Variants in B3GALT1 observed in about 807,000 individuals in gnomAD.
B3GALT1 encodes the protein UDP-Gal:betaGlcNAc beta 1,3-galactosyltransferase, polypeptide 1.
A neutral mutation model predicts 23.2 loss-of-function variants in B3GALT1; 10 were observed. That is an observed-to-expected ratio of 0.43 (90% confidence interval 0.27 to 0.73). The LOEUF (loss-of-function observed/expected upper bound fraction) is 0.73, where lower values mean the gene tolerates loss of function less well. B3GALT1 is among the 30% of genes least tolerant of loss of function. The probability of loss-of-function intolerance (pLI) is 0.21; values close to 1 mark genes in which losing one functional copy is unlikely to be tolerated. For synonymous variants in B3GALT1, 156 were observed against 141.5 expected (o/e 1.10, Z -0.73); for missense variants, 299 against 405.4 (o/e 0.74, Z 2.25).
chr2:167,617,423 C>T (rs1447367240), intron 2 of B3GALT1, among the ~76,000 whole-genome samples: 1 of 151,928 alleles, frequency 6.6e-6, no homozygotes, highest in African/African-American at 2.4e-5. Flanking sequence ...TAAGTCACCC[C>T]CTGGAGCTGG....
intron 1 of B3GALT1, among the ~76,000 whole-genome samples, chr2:167,420,128 A>G (rs191366044): frequency 1.8e-3 from 278 of 152,278 alleles, no homozygotes; most frequent in African/African-American, 6.2e-3. Context: ...GGCAGTCCAG[A>G]GTGCTGTATA....
chr2:167,431,991 C>G (rs530009393), intron 1 of B3GALT1, among the ~76,000 whole-genome samples: 106 of 152,272 alleles, frequency 7.0e-4, no homozygotes, highest in African/African-American at 2.5e-3. Flanking sequence ...AAAGAATTTA[C>G]TCTTAAATCA....
At chr2:167,591,800 GTTA>G (rs1324271918) in intron 2 of B3GALT1, among the ~76,000 whole-genome samples, 1 of 151,960 alleles carries the variant, frequency 6.6e-6, no homozygotes, top group Non-Finnish European at 1.5e-5. Flanking sequence ...TGTTGTTGTT[GTTA>G]TTATAGCAGT....
At chr2:167,815,643 C>T (rs564071196) in intron 3 of B3GALT1, among the ~76,000 whole-genome samples, 3 of 152,188 alleles carry the variant, frequency 2.0e-5, no homozygotes, top group South Asian at 2.1e-4. Flanking sequence ...ACTCATAAGT[C>T]GGTATACAGA....
At chr2:167,774,544 C>A (rs1383451700) in intron 3 of B3GALT1, among the ~76,000 whole-genome samples, 1 of 123,362 alleles carries the variant, frequency 8.1e-6, no homozygotes, top group Admixed American at 1.1e-4. Flanking sequence ...GTCACCCAGG[C>A]TGGAGTGCAG....
At chr2:167,642,217 C>G (rs900392615) in intron 2 of B3GALT1, among the ~76,000 whole-genome samples, 2 of 152,072 alleles carry the variant, frequency 1.3e-5, no homozygotes, top group Non-Finnish European at 2.9e-5. Flanking sequence ...TTCTCAAATT[C>G]TAGAATGAAA....
chr2:167,717,480 C>G (rs888616403), intron 3 of B3GALT1, among the ~76,000 whole-genome samples: 1 of 114,520 alleles, frequency 8.7e-6, no homozygotes, highest in Non-Finnish European at 1.8e-5. Context: ...TGTTGTTATA[C>G]ATAGTTTTTT....
At chr2:167,661,190 G>A (rs1191743082) in intron 3 of B3GALT1, among the ~76,000 whole-genome samples, 4 of 152,052 alleles carry the variant, frequency 2.6e-5, no homozygotes, top group African/African-American at 7.2e-5. Context: ...TGGAGGCAAC[G>A]TTGTCACCCT....
chr2:167,446,517 T>A (rs1406289413), intron 1 of B3GALT1, among the ~76,000 whole-genome samples: 1 of 152,222 alleles, frequency 6.6e-6, no homozygotes, highest in African/African-American at 2.4e-5. Flanking sequence ...GACATAGATT[T>A]GGTCTTTTCA....
chr2:167,322,835 G>A lies in B3GALT1; in HGVS notation c.-511+29501G>A, dbSNP rs928709915. Reference sequence around the variant, plus strand: ...TGATTTTAAACTTATAATTTAAAATGCTTGTTTGTTTCATTCATCACTAAA... The same window carrying A: ...TGATTTTAAACTTATAATTTAAAATACTTGTTTGTTTCATTCATCACTAAA... On this transcript the variant is annotated intron_variant, in intron 1 of 4. Coordinates refer to ENST00000392690, the MANE Select transcript of B3GALT1 (RefSeq NM_020981.4). 2.6e-5 allele frequency among the ~76,000 whole-genome samples: 4 copies of A among 152,096 alleles called. No individual in the cohort carries two copies. The East Asian group carries it at 7.7e-4, about 29-fold the overall frequency.
intron 3 of B3GALT1, among the ~76,000 whole-genome samples, chr2:167,682,823 A>C (rs1686556218): frequency 2.0e-5 from 3 of 152,250 alleles, no homozygotes. Flanking sequence ...ATGGCTCTTC[A>C]TAATTACTTT....
chr2:167,603,839 T>A (rs1383364467), intron 2 of B3GALT1, among the ~76,000 whole-genome samples: 1 of 151,904 alleles, frequency 6.6e-6, no homozygotes, highest in African/African-American at 2.4e-5. Flanking sequence ...AACACATAGC[T>A]AAGGAGTGAG....
intron 3 of B3GALT1, among the ~76,000 whole-genome samples, chr2:167,662,998 G>GTGCACAA (rs983236512): frequency 3.3e-5 from 5 of 151,386 alleles, no homozygotes; most frequent in Admixed American, 3.3e-4. Flanking sequence ...TAGGGTACAT[G>GTGCACAA]TGCACAATGT....
intron 2 of B3GALT1, among the ~76,000 whole-genome samples, chr2:167,548,685 A>AGTGTGTGT (rs71031297): frequency 0.16 from 22,621 of 144,650 alleles, 1,881 homozygotes; most frequent in East Asian, 0.38. Context: ...CGTGTGTGTG[A>AGTGTGTGT]GTGTGTGTGT....
At chr2:167,571,395 G>A (rs1044270312) in intron 2 of B3GALT1, among the ~76,000 whole-genome samples, 5 of 151,882 alleles carry the variant, frequency 3.3e-5, no homozygotes, top group Non-Finnish European at 7.4e-5. Context: ...CTGTTACTGT[G>A]GCAGCCACAT....
chr2:167,358,114 G>T (rs1697443752), intron 1 of B3GALT1, among the ~76,000 whole-genome samples: 1 of 152,200 alleles, frequency 6.6e-6, no homozygotes, highest in Non-Finnish European at 1.5e-5. Context: ...ACCTGTAAAT[G>T]TGTTGATCAC....
At chr2:167,506,071 A>G (rs1233063850) in intron 2 of B3GALT1, among the ~76,000 whole-genome samples, 4 of 152,074 alleles carry the variant, frequency 2.6e-5, no homozygotes, top group Non-Finnish European at 2.9e-5. Context: ...AAAAAAAGAC[A>G]GAGATACTAA....
chr2:167,410,590 G>A (rs764900848), intron 1 of B3GALT1, among the ~76,000 whole-genome samples: 21 of 151,948 alleles, frequency 1.4e-4, no homozygotes, highest in Admixed American at 9.2e-4. Context: ...TCAGGGGCTG[G>A]GGGGCAAGTG....
intron 2 of B3GALT1, among the ~76,000 whole-genome samples, chr2:167,625,672 G>A (rs982912524): frequency 1.3e-5 from 2 of 151,482 alleles, no homozygotes; most frequent in African/African-American, 4.8e-5. Context: ...TAACCGTATG[G>A]CATGATTCGT....
Sources: allele counts gnomAD v4.1 joint callset (sites outside exome capture counted in the v4.1 genomes callset), GRCh38; gene constraint gnomAD v4.1.1; transcripts MANE v1.5; gene names NCBI Gene and HGNC (gene_info 2026-07-23, HGNC 2026-07-21).